POU2F1: variants seen among roughly 807,000 people sequenced by gnomAD.
The protein encoded by POU2F1 is POU domain, class 2, transcription factor 1.
Under a neutral mutation model 84.9 loss-of-function variants are expected in POU2F1, and 16 were observed. The ratio of observed to expected loss-of-function variants is 0.19; its 90% confidence interval spans 0.13 to 0.29. The LOEUF (loss-of-function observed/expected upper bound fraction) is 0.29, where lower values mean the gene tolerates loss of function less well. Among genes scored for constraint, POU2F1 ranks in the 10% least tolerant of loss-of-function variants. The pLI, the probability that POU2F1 is intolerant of heterozygous loss-of-function variation, is 1.00. For synonymous variants in POU2F1, 368 were observed against 368.3 expected, an observed-to-expected ratio of 1.00 and a Z score of 0.01; for missense variants, 738 against 942.6, an observed-to-expected ratio of 0.78 and a Z score of 2.84.
chr1:167,273,797 G>T (rs1046159135), intron 1 of POU2F1, among the ~76,000 whole-genome samples: 1 of 152,202 alleles, frequency 6.6e-6, no homozygotes, highest in South Asian at 2.1e-4. Context: ...TGAACTTGTG[G>T]TCTTTCCCCT....
At chr1:167,334,970 T>C (rs1657341111) in intron 2 of POU2F1, among the ~76,000 whole-genome samples, 1 of 152,194 alleles carries the variant, frequency 6.6e-6, no homozygotes. Context: ...TGTAATAATT[T>C]TGATTTGTGA....
At position 167,303,047 on chromosome 1, in the gene POU2F1, TTGCTATCTATATC is replaced by T. The variant is rs1368373096; in HGVS notation, c.62-29422_62-29410del. 2.6e-5 allele frequency among the ~76,000 whole-genome samples: 4 copies of T among 152,202 alleles called. No homozygotes were observed. The East Asian group carries it at 7.7e-4, about 29-fold the overall frequency. Reference sequence around the variant, plus strand: ...ATCCATAGCAACCTGTATGGATCTATTGCTATCTATATCGTCTATCTATGTATATATATAAAGC... The same window carrying T: ...ATCCATAGCAACCTGTATGGATCTATGTCTATCTATGTATATATATAAAGC... On this transcript the variant is annotated intron_variant, in intron 1 of 15. Coordinates refer to ENST00000367866, the MANE Select transcript of POU2F1 (RefSeq NM_002697.4).
At chr1:167,230,769 A>C (rs1400954505) in intron 1 of POU2F1, among the ~76,000 whole-genome samples, 1 of 152,190 alleles carries the variant, frequency 6.6e-6, no homozygotes. Context: ...ATCTTGTCCT[A>C]AGAGCCTTGA....
intron 1 of POU2F1, among the ~76,000 whole-genome samples, chr1:167,284,426 T>G (rs914084309): frequency 1.2e-4 from 18 of 152,204 alleles, no homozygotes; most frequent in African/African-American, 4.3e-4. Flanking sequence ...CATCTTCAGT[T>G]ACATTGTTTT....
At chr1:167,221,980 G>T (rs1648244394) in intron 1 of POU2F1, among the ~76,000 whole-genome samples, 1 of 152,090 alleles carries the variant, frequency 6.6e-6, no homozygotes, top group Non-Finnish European at 1.5e-5. Context: ...GGTGCCTGGC[G>T]TGGTCTGACC....
chr1:167,326,722 C>T (rs1656731559), intron 1 of POU2F1, among the ~76,000 whole-genome samples: 2 of 152,210 alleles, frequency 1.3e-5, no homozygotes, highest in South Asian at 4.1e-4. Flanking sequence ...GTGGGACTCC[C>T]TTAGCCTGAG....
intron 6 of POU2F1, among the ~76,000 whole-genome samples, chr1:167,374,787 G>T (rs184240848): frequency 2.0e-5 from 3 of 152,292 alleles, no homozygotes; most frequent in African/African-American, 7.2e-5. Flanking sequence ...TTTAAGAAGC[G>T]CCAGGCGCGG....
intron 8 of POU2F1, among the ~76,000 whole-genome samples, chr1:167,386,158 G>A (rs1195028558): frequency 6.6e-6 from 1 of 152,034 alleles, no homozygotes; most frequent in Admixed American, 6.5e-5. Flanking sequence ...TTGCAAAATG[G>A]TATACACACT....
chr1:167,367,794 A>AT lies in POU2F1; in HGVS notation c.228+2239dup, dbSNP rs941958382. On this transcript the variant is annotated intron_variant, in intron 3 of 15. Coordinates refer to ENST00000367866, the MANE Select transcript of POU2F1 (RefSeq NM_002697.4). ...TATATGTATGTATGTACACGTACAA[A>AT]TTTTTTTTTTTTGAAATGAGGTCTT... Among the ~76,000 whole-genome samples the AT allele has an allele frequency of 5.6e-3, 819 of 147,546 alleles. 2 individuals carry two copies. The highest frequency in any genetic ancestry group is 0.017 in the African/African-American group (708 of 40,504).
chr1:167,257,069 C>T (rs999818075), intron 1 of POU2F1, among the ~76,000 whole-genome samples: 1 of 152,052 alleles, frequency 6.6e-6, no homozygotes, highest in Non-Finnish European at 1.5e-5. Context: ...GTACTGTTGG[C>T]GATAAGATTG....
intron 1 of POU2F1, among the ~76,000 whole-genome samples, chr1:167,309,013 G>A (rs1655277788): frequency 6.6e-6 from 1 of 150,658 alleles, no homozygotes; most frequent in Admixed American, 6.6e-5. Context: ...TATCCAGATT[G>A]TCTAAAATTT....
chr1:167,411,503 T>C (rs1253553225), intron 13 of POU2F1, among the ~76,000 whole-genome samples: 1 of 152,170 alleles, frequency 6.6e-6, no homozygotes, highest in Non-Finnish European at 1.5e-5. Context: ...TTATACTATG[T>C]TGTTGTTGAT....
At chr1:167,414,037 C>G (rs954863216) in intron 15 of POU2F1, among the ~76,000 whole-genome samples, 4 of 151,000 alleles carry the variant, frequency 2.6e-5, no homozygotes, top group African/African-American at 9.7e-5. Flanking sequence ...TGAGAATTCT[C>G]AGGGCCAAAA....
rs1009100262 is a variant in POU2F1, at chr1:167,376,128, A to T, written c.691A>T (p.Ile231Phe). ...CAATTTGCAGCCAGCGCAGTTTATC[A>T]TCTCACAGACGCCCCAGGGCCAGCA... ...TTNLQPAQFI[I>F]SQTPQGQQGL... The change falls in exon 7 of 16, where the codon ATC becomes TTC. Residue 231 changes from isoleucine (I) to phenylalanine (F), a missense_variant. Physicochemically the swap from Ile to Phe is conservative, Grantham distance 21. This residue lies in a region of POU2F1 where 163 missense variants were observed against 214.4 expected (regional missense o/e 0.76). Coordinates refer to ENST00000367866, the MANE Select transcript of POU2F1 (RefSeq NM_002697.4). The T allele has an allele frequency of 6.2e-7, 1 of 1,614,222 alleles. No homozygotes were observed. The highest frequency in any genetic ancestry group is 8.5e-7 in the Non-Finnish European group (1 of 1,180,042).
intron 1 of POU2F1, among the ~76,000 whole-genome samples, chr1:167,331,327 G>A (rs759505823): frequency 1.2e-4 from 18 of 152,062 alleles, no homozygotes; most frequent in African/African-American, 3.1e-4. Context: ...GGGATAATTC[G>A]ACTGTAAAGA....
At chr1:167,275,508 G>A (rs1652667556) in intron 1 of POU2F1, among the ~76,000 whole-genome samples, 1 of 152,014 alleles carries the variant, frequency 6.6e-6, no homozygotes, top group Non-Finnish European at 1.5e-5. Context: ...TTGAAGATGG[G>A]GCCAAATACT....
chr1:167,328,916 C>A (rs1218134065), intron 1 of POU2F1: 8 of 454,940 alleles, frequency 1.8e-5, no homozygotes. Context: ...TAATCACGCG[C>A]ATACTGATTA....
chr1:167,286,081 G>T (rs1653507886), intron 1 of POU2F1, among the ~76,000 whole-genome samples: 1 of 152,158 alleles, frequency 6.6e-6, no homozygotes, highest in Non-Finnish European at 1.5e-5. Flanking sequence ...TGGATATATT[G>T]CAACAATTGG....
intron 2 of POU2F1, 124 bp from the exon 3 acceptor site, chr1:167,365,343 C>T (rs1659618526): frequency 3.4e-6 from 2 of 595,628 alleles, no homozygotes; most frequent in South Asian, 2.8e-5. Flanking sequence ...AATCCCTTCT[C>T]CTTGGAGGTA....
Sources: gnomAD v4.1 joint callset for allele counts (sites outside exome capture counted in the v4.1 genomes callset) on GRCh38, gnomAD v4.1.1 for gene constraint, gnomAD v4.1.1 regional missense constraint, MANE v1.5 for transcripts, NCBI Gene and HGNC (gene_info 2026-07-23, HGNC 2026-07-21) for gene names.